GCNT1: variants seen among roughly 807,000 people sequenced by gnomAD.
The protein encoded by GCNT1 is beta-1,3-galactosyl-O-glycosyl-glycoprotein beta-1,6-N-acetylglucosaminyltransferase.
GCNT1 carries 16 observed loss-of-function variants against 26.2 expected under a neutral mutation model. The ratio of observed to expected loss-of-function variants is 0.61; its 90% CI spans 0.41 to 0.93. The LOEUF (loss-of-function observed/expected upper bound fraction) is 0.93. Among genes scored for constraint, GCNT1 ranks in the 40% least tolerant of loss-of-function variants. The probability of loss-of-function intolerance (pLI) is 0.00; values close to 1 mark genes in which losing one functional copy is unlikely to be tolerated. For missense variants in GCNT1, 477 were observed against 526.7 expected (o/e 0.91, Z 0.92); for synonymous variants, 183 against 190.8 (o/e 0.96, Z 0.34).
rs993155413 is a variant in GCNT1 at position 76,507,377 on chromosome 9, C to T, written c.*3709C>T. 6.0e-6 allele frequency: 1 copy of T among 166,806 alleles called. No individual in the cohort carries two copies. The highest frequency in any genetic ancestry group is 2.4e-5 in the African/African-American group (1 of 41,432). 10.3% of individuals were successfully genotyped at this position (166,806 alleles called of 1,614,324 possible). On this transcript the variant is annotated 3_prime_UTR_variant, in exon 4 of 4. Coordinates refer to ENST00000376730, the MANE Select transcript of GCNT1 (RefSeq NM_001490.5). ...GGGTGCGACAGAATGCAGTTAGAAT[C>T]AGTTCATATCACCATTAAAATCATC...
chr9:76,499,292 T>C (rs1824997747), intron 2 of GCNT1, among the ~76,000 whole-genome samples: 1 of 152,048 alleles, frequency 6.6e-6, no homozygotes, highest in South Asian at 2.1e-4. Flanking sequence ...TACGCCCGGC[T>C]AATTTTTGTA....
At chr9:76,399,579 G>A in the GCNT1 span, 1 of 1,271,800 alleles carries the variant, frequency 7.9e-7, no homozygotes, top group Non-Finnish European at 1.1e-6. Flanking sequence ...ACCACTGACT[G>A]GTCTTAAGCT....
intron 2 of GCNT1, among the ~76,000 whole-genome samples, chr9:76,468,622 C>A (rs908173273): frequency 1.3e-5 from 2 of 152,198 alleles, no homozygotes; most frequent in Non-Finnish European, 2.9e-5. Flanking sequence ...ATTCCTAGTT[C>A]TTTTGTTGCC....
At chr9:76,458,198 T>A (rs1823791259), upstream of GCNT1, among the ~76,000 whole-genome samples, 1 of 145,586 alleles carries the variant, frequency 6.9e-6, no homozygotes, top group South Asian at 2.2e-4. Flanking sequence ...TTTTTTTTTT[T>A]TTGAGATGGA....
At chr9:76,396,641 A>G in the GCNT1 span, among the ~76,000 whole-genome samples, 1 of 151,922 alleles carries the variant, frequency 6.6e-6, no homozygotes, top group Non-Finnish European at 1.5e-5. Flanking sequence ...CAGGAGTTGG[A>G]GACCAGCCTG....
chr9:76,412,567 C>A, the GCNT1 span, among the ~76,000 whole-genome samples: 279 of 152,174 alleles, frequency 1.8e-3, 5 homozygotes, highest in East Asian at 0.048. Flanking sequence ...TTTCTCTCAC[C>A]ACTTTAAATA....
At chr9:76,431,228 A>G (rs1248652965) in intron 1 of GCNT1, among the ~76,000 whole-genome samples, 1 of 152,178 alleles carries the variant, frequency 6.6e-6, no homozygotes, top group Non-Finnish European at 1.5e-5. Flanking sequence ...GACACTAACC[A>G]CATGGAGTTA....
At chr9:76,453,711 G>A (rs10114264) in intron 1 of GCNT1, among the ~76,000 whole-genome samples, 114,483 of 152,060 alleles carry the variant, frequency 0.75, 43,652 homozygotes, top group Middle Eastern at 0.85. Context: ...CTCTTTGCCT[G>A]AAACAATCAA....
At chr9:76,448,459 C>A (rs1029374723) in intron 1 of GCNT1, among the ~76,000 whole-genome samples, 2 of 152,012 alleles carry the variant, frequency 1.3e-5, no homozygotes, top group Non-Finnish European at 2.9e-5. Context: ...CTCAAAACAA[C>A]AACAGCAGCA....
intron 1 of GCNT1, chr9:76,420,098 C>T (rs1019498084): frequency 3.3e-5 from 5 of 152,200 alleles, no homozygotes; most frequent in Non-Finnish European, 7.3e-5. Flanking sequence ...CATTCCAGTA[C>T]CTGATATTAG....
At chr9:76,448,189 C>T (rs781462121) in intron 1 of GCNT1, among the ~76,000 whole-genome samples, 7 of 152,196 alleles carry the variant, frequency 4.6e-5, no homozygotes, top group Admixed American at 6.5e-5. Context: ...CGGTGGCTCG[C>T]GCCTGTAATC....
At chr9:76,399,710 T>C in the GCNT1 span, 1 of 620,652 alleles carries the variant, frequency 1.6e-6, no homozygotes, top group Non-Finnish European at 2.8e-6. Flanking sequence ...CTACTCCCAC[T>C]GAATGCAAAT....
chr9:76,416,330 C>T (rs964253542), upstream of GCNT1, among the ~76,000 whole-genome samples: 3 of 152,194 alleles, frequency 2.0e-5, no homozygotes, highest in Non-Finnish European at 4.4e-5. Context: ...AAAACCTCTG[C>T]ATTCACCATC....
upstream of GCNT1, among the ~76,000 whole-genome samples, chr9:76,438,799 G>GAAA (rs113875725): frequency 2.2e-5 from 3 of 135,186 alleles, no homozygotes; most frequent in Non-Finnish European, 3.3e-5. Flanking sequence ...TAGCCAATGA[G>GAAA]AAAAAAAAAA....
At chr9:76,431,890 A>G (rs570265000) in intron 1 of GCNT1, among the ~76,000 whole-genome samples, 23 of 152,244 alleles carry the variant, frequency 1.5e-4, no homozygotes, top group African/African-American at 5.5e-4. Context: ...GGATGGATCA[A>G]TTGAGGTCAG....
intron 1 of GCNT1, among the ~76,000 whole-genome samples, chr9:76,436,581 A>G (rs1052849833): frequency 6.3e-4 from 91 of 144,172 alleles, no homozygotes; most frequent in African/African-American, 2.0e-3. Flanking sequence ...CCTGTGCGAC[A>G]GAGTAAGATT....
At chr9:76,462,802 A>C (rs1823902380) in intron 2 of GCNT1, among the ~76,000 whole-genome samples, 1 of 152,134 alleles carries the variant, frequency 6.6e-6, no homozygotes, top group South Asian at 2.1e-4. Flanking sequence ...GTGTCCTGCC[A>C]GTTTCTTTTT....
At chr9:76,445,236 C>G (rs1823556128) in intron 1 of GCNT1, among the ~76,000 whole-genome samples, 1 of 152,000 alleles carries the variant, frequency 6.6e-6, no homozygotes, top group African/African-American at 2.4e-5. Flanking sequence ...GATGTTATAC[C>G]TGGAATGAGG....
rs1480337602 is a variant in GCNT1, at chr9:76,503,648, T to A, written c.1267T>A (p.Leu423Met). 2 of 1,613,512 alleles carry A rather than the reference T, an allele frequency of 1.2e-6. No homozygotes were observed. Among genetic ancestry groups the A allele is most frequent in the Admixed American group, 1.7e-5 (1 of 59,992 alleles). ...CLDEHLRHKA[L>M]ETLKH ...GGATGAGCATTTGAGACACAAAGCTTTGGAGACATTAAAACACTGACCATT... is the reference window on the plus strand; with the variant it reads ...GGATGAGCATTTGAGACACAAAGCTATGGAGACATTAAAACACTGACCATT... The change falls in exon 4 of 4, where the codon TTG becomes ATG. Residue 423 changes from leucine to methionine, a missense_variant. Coordinates refer to ENST00000376730, the MANE Select transcript of GCNT1 (RefSeq NM_001490.5).
Sources: allele counts gnomAD v4.1 joint callset (sites outside exome capture counted in the v4.1 genomes callset), GRCh38; gene constraint gnomAD v4.1.1; transcripts MANE v1.5; gene names NCBI Gene and HGNC (gene_info 2026-07-23, HGNC 2026-07-21).